The following ZC4H2 variants were observed in gnomAD, a reference collection of about 807,000 sequenced individuals.
ZC4H2 encodes the protein zinc finger C4H2-type containing.
For synonymous variants in ZC4H2, 84 were observed against 66.3 expected, an observed-to-expected ratio of 1.27 and a Z score of -1.30; for missense variants, 137 against 173.9, an observed-to-expected ratio of 0.79 and a Z score of 1.19.
intron 1 of ZC4H2, among the ~76,000 whole-genome samples, chrX:64,950,352 T>A (rs1183228964): frequency 1.8e-5 from 2 of 111,877 alleles, no homozygotes; most frequent in African/African-American, 6.5e-5. Context: ...ATTCTGTAGA[T>A]GTCTATTAGG....
upstream of ZC4H2, among the ~76,000 whole-genome samples, chrX:64,977,505 T>C (rs1055601142): frequency 8.9e-6 from 1 of 111,924 alleles, no homozygotes; most frequent in African/African-American, 3.3e-5. Flanking sequence ...AATTAATTAA[T>C]TTATTTATTT....
upstream of ZC4H2, among the ~76,000 whole-genome samples, chrX:64,979,823 A>T (rs1932048602): frequency 9.0e-6 from 1 of 111,492 alleles, no homozygotes; most frequent in Non-Finnish European, 1.9e-5. Flanking sequence ...ATAAAAAAAA[A>T]TCTTAGTTTT....
At chrX:64,930,040 C>G (rs1929671078) in intron 1 of ZC4H2, among the ~76,000 whole-genome samples, 1 of 111,288 alleles carries the variant, frequency 9.0e-6, no homozygotes, top group Non-Finnish European at 1.9e-5. Context: ...CATCTATGAT[C>G]TTTTTTAGGA....
At chrX:64,994,570 C>T (rs1932375405) in intron 1 of ZC4H2, among the ~76,000 whole-genome samples, 1 of 111,759 alleles carries the variant, frequency 8.9e-6, no homozygotes, top group Non-Finnish European at 1.9e-5. Flanking sequence ...TTACCATTTC[C>T]AGCCTTTGAA....
At chrX:64,948,320 A>G (rs1930635858) in intron 1 of ZC4H2, among the ~76,000 whole-genome samples, 1 of 111,492 alleles carries the variant, frequency 9.0e-6, no homozygotes, top group South Asian at 3.7e-4. Context: ...ACTGGGTCAG[A>G]AAAAAACTGG....
At chrX:64,998,428 T>A (rs1466552782) in intron 1 of ZC4H2, among the ~76,000 whole-genome samples, 1 of 112,276 alleles carries the variant, frequency 8.9e-6, no homozygotes, top group Admixed American at 9.4e-5. Flanking sequence ...TAGGATATTA[T>A]ACATTGAGAA....
At chrX:64,943,318 T>C (rs1569209902) in intron 1 of ZC4H2, among the ~76,000 whole-genome samples, 1 of 112,013 alleles carries the variant, frequency 8.9e-6, no homozygotes. Context: ...TGATCTGGAG[T>C]GAAGAGTTCT....
intron 1 of ZC4H2, among the ~76,000 whole-genome samples, chrX:64,989,877 C>A (rs1932276120): frequency 9.0e-6 from 1 of 111,455 alleles, no homozygotes; most frequent in Non-Finnish European, 1.9e-5. Context: ...GTGACAATAC[C>A]AAATGCTGGC....
intron 1 of ZC4H2, among the ~76,000 whole-genome samples, chrX:64,958,232 C>T (rs1931235708): frequency 8.9e-6 from 1 of 111,978 alleles, no homozygotes; most frequent in Admixed American, 9.5e-5. Context: ...TCATCACAAA[C>T]GTGAGTAATA....
chrX:64,984,531 G>A (rs1173617754), intron 1 of ZC4H2, among the ~76,000 whole-genome samples: 1 of 111,034 alleles, frequency 9.0e-6, no homozygotes, highest in Non-Finnish European at 1.9e-5. Flanking sequence ...TGGGGCACAA[G>A]ACCAGATGAG....
intron 1 of ZC4H2, among the ~76,000 whole-genome samples, chrX:64,932,557 G>A (rs1229256858): frequency 1.8e-5 from 2 of 111,276 alleles, no homozygotes; most frequent in South Asian, 3.7e-4. Context: ...GTGCTTGTTT[G>A]GGGGTGGCAA....
rs12863218 is a variant in ZC4H2, at chrX:64,928,765, T to C, written c.54-6777A>G. 4.9e-5 allele frequency among the ~76,000 whole-genome samples: 5 copies of C among 102,542 alleles called. No individual in the cohort carries two copies. In the Admixed American group the frequency reaches 5.4e-4, roughly 11 times the overall value. 89.0% of individuals were successfully genotyped at this position (102,542 alleles called of 115,157 possible). ...CTTCTCCTTCTTCTTCTTTTCTTCTTCTTTTCTTCTTCTCTTCTTCTTCTT... is the reference window on the plus strand; with the variant it reads ...CTTCTCCTTCTTCTTCTTTTCTTCTCCTTTTCTTCTTCTCTTCTTCTTCTT... On this transcript the variant is annotated intron_variant, in intron 1 of 4. Coordinates refer to ENST00000374839, the MANE Select transcript of ZC4H2 (RefSeq NM_018684.4).
chrX:65,034,031 G>T (rs965756231), intron 1 of ZC4H2, among the ~76,000 whole-genome samples: 3 of 104,700 alleles, frequency 2.9e-5, no homozygotes, highest in African/African-American at 7.1e-5. Flanking sequence ...AGAGATTGCA[G>T]TTAGCTGAGA....
intron 3 of ZC4H2, 75 bp from the exon 4 acceptor site, chrX:64,919,279 C>A: frequency 1.8e-6 from 2 of 1,124,628 alleles, no homozygotes; most frequent in East Asian, 6.0e-5. Flanking sequence ...GACTCCATGC[C>A]ATACAACCAA....
chrX:64,954,169 G>C (rs1174759289), intron 1 of ZC4H2, among the ~76,000 whole-genome samples: 1 of 103,522 alleles, frequency 9.7e-6, no homozygotes, highest in Non-Finnish European at 1.9e-5. Context: ...GGCCTGTTGT[G>C]GGGTTGGGGG....
intron 1 of ZC4H2, among the ~76,000 whole-genome samples, chrX:64,926,567 A>T (rs1929429510): frequency 8.9e-6 from 1 of 112,233 alleles, no homozygotes; most frequent in African/African-American, 3.2e-5. Flanking sequence ...CTATCATAAT[A>T]AATATGTAGT....
intron 1 of ZC4H2, among the ~76,000 whole-genome samples, chrX:65,014,582 A>C (rs1250694926): frequency 8.9e-6 from 1 of 111,986 alleles, no homozygotes; most frequent in African/African-American, 3.2e-5. Flanking sequence ...ACTGGGTTTA[A>C]GTCTTCATAT....
chrX:64,969,309 C>T (rs1424406421), intron 1 of ZC4H2, among the ~76,000 whole-genome samples: 1 of 111,706 alleles, frequency 9.0e-6, no homozygotes, highest in African/African-American at 3.3e-5. Context: ...AGTTCTAGGG[C>T]CATGGATCAT....
At chrX:64,993,302 T>C (rs764619210) in intron 1 of ZC4H2, among the ~76,000 whole-genome samples, 2 of 112,056 alleles carry the variant, frequency 1.8e-5, no homozygotes, top group South Asian at 7.5e-4. Context: ...GTCTTGGTGT[T>C]ATCACCCTGC....
Sources: gnomAD v4.1 joint callset for allele counts (sites outside exome capture counted in the v4.1 genomes callset) on GRCh38, gnomAD v4.1.1 for gene constraint, MANE v1.5 for transcripts, NCBI Gene and HGNC (gene_info 2026-07-23, HGNC 2026-07-21) for gene names.